SCAPER: variants seen among roughly 807,000 people sequenced by gnomAD.
SCAPER encodes the protein S-phase cyclin A associated protein in the ER.
Under a neutral mutation model 182.2 loss-of-function variants are expected in SCAPER, and 98 were observed. The ratio of observed to expected loss-of-function variants is 0.54; its 90% CI spans 0.46 to 0.64. The LOEUF is 0.64. Among genes scored for constraint, SCAPER ranks in the 30% least tolerant of loss-of-function variants. SCAPER has a pLI of 0.00. For synonymous variants in SCAPER, 605 were observed against 564.6 expected, an observed-to-expected ratio of 1.07 and a Z score of -1.01; for missense variants, 1,432 against 1,690.0, an observed-to-expected ratio of 0.85 and a Z score of 2.68.
chr15:76,429,760 G>A (rs573073411), intron 26 of SCAPER, among the ~76,000 whole-genome samples: 22 of 152,164 alleles, frequency 1.4e-4, no homozygotes, highest in Non-Finnish European at 2.1e-4. Flanking sequence ...CTGACTACGC[G>A]ATAGAAAAGA....
At chr15:76,719,329 TA>T (rs558663528) in intron 17 of SCAPER, among the ~76,000 whole-genome samples, 2 of 152,014 alleles carry the variant, frequency 1.3e-5, no homozygotes, top group African/African-American at 2.4e-5. Flanking sequence ...TGTGAAATCT[TA>T]AAAAAAATTC....
At position 76,702,987 on chromosome 15, in the gene SCAPER, G is replaced by A. The variant is rs1161243138; in HGVS notation, c.2263C>T (p.Arg755Ter). The change falls in exon 19 of 32, where the codon CGA (arginine) becomes TGA (stop). Residue 755 changes from arginine to a stop codon, truncating the protein, a stop_gained. Coordinates refer to ENST00000563290, the MANE Select transcript of SCAPER (RefSeq NM_020843.4). LOFTEE classifies it high-confidence loss of function. The stretch of plus-strand genomic sequence containing the variant: ...TGTTCAATCTGTTCCATGTGCCTTC[G>A]AATACTTTCATCATGCTGTAGATGA... ...KIQLKHDESIRRHMEQIEQRK... is the reference protein window; with the variant it reads ...KIQLKHDESI 7 of 1,574,444 alleles carry A rather than the reference G, an allele frequency of 4.4e-6. No homozygotes were observed. Among genetic ancestry groups the A allele is most frequent in the South Asian group, 1.2e-5 (1 of 82,656 alleles).
rs185188438 is a variant in SCAPER, at chr15:76,839,462, T to C, written c.393+2272A>G. On this transcript the variant is annotated intron_variant, in intron 5 of 31. Transcript: ENST00000563290. ...ATAAAGCAAAACAAAACAAGAAAAC[T>C]AGTTAGTATATACCCAGCATGTGCT... is the stretch of plus-strand genomic sequence containing the variant. 1.6e-4 allele frequency among the ~76,000 whole-genome samples: 24 copies of C among 152,304 alleles called. No individual in the cohort carries two copies. In the East Asian group the frequency reaches 4.6e-3, roughly 29 times the overall value.
At chr15:76,859,317 T>C (rs978923069) in intron 3 of SCAPER, among the ~76,000 whole-genome samples, 1 of 152,218 alleles carries the variant, frequency 6.6e-6, no homozygotes, top group Non-Finnish European at 1.5e-5. Flanking sequence ...GAGAGAATGC[T>C]ACACTAACCT....
At chr15:76,848,323 GT>G (rs60859623) in intron 4 of SCAPER, among the ~76,000 whole-genome samples, 40,540 of 131,874 alleles carry the variant, frequency 0.31, 6,237 homozygotes, top group East Asian at 0.55. Context: ...TTTTTTTGGG[GT>G]TTTTTTTTTT....
intron 25 of SCAPER, among the ~76,000 whole-genome samples, chr15:76,466,416 C>CTTTTTT (rs1268592485): frequency 2.7e-4 from 10 of 36,784 alleles, no homozygotes; most frequent in South Asian, 8.4e-4. Context: ...TTGGTTGGTT[C>CTTTTTT]TTCTTTTTTT....
At chr15:76,752,837 C>A (rs890075417) in intron 15 of SCAPER, among the ~76,000 whole-genome samples, 2 of 151,520 alleles carry the variant, frequency 1.3e-5, no homozygotes, top group East Asian at 3.9e-4. Context: ...ATTAAAACCA[C>A]TGAATTGTAT....
At chr15:76,458,746 T>C (rs2048932720) in intron 25 of SCAPER, among the ~76,000 whole-genome samples, 1 of 152,180 alleles carries the variant, frequency 6.6e-6, no homozygotes, top group African/African-American at 2.4e-5. Flanking sequence ...CCTGCTCTGC[T>C]ACTGAACACT....
chr15:76,478,317 T>C (rs1358571022), intron 24 of SCAPER, among the ~76,000 whole-genome samples: 1 of 152,098 alleles, frequency 6.6e-6, no homozygotes, highest in Non-Finnish European at 1.5e-5. Context: ...AAATGGTTAA[T>C]ACATATTGTT....
chr15:76,694,247 G>T (rs1015357315), intron 20 of SCAPER, among the ~76,000 whole-genome samples: 32 of 152,068 alleles, frequency 2.1e-4, no homozygotes, highest in Middle Eastern at 6.9e-3. Context: ...TCATTTATTT[G>T]TATCTTCTTC....
chr15:76,888,645 A>G (rs2073995438), intron 1 of SCAPER, among the ~76,000 whole-genome samples: 1 of 152,204 alleles, frequency 6.6e-6, no homozygotes, highest in Admixed American at 6.5e-5. Flanking sequence ...GTAAAAAGAA[A>G]TGAACAAAGC....
chr15:76,796,193 A>AAATTT (rs1479807024), intron 7 of SCAPER, among the ~76,000 whole-genome samples: 4 of 152,196 alleles, frequency 2.6e-5, no homozygotes, highest in Admixed American at 1.3e-4. Flanking sequence ...GACAACATCT[A>AAATTT]AATTTGGTTC....
intron 20 of SCAPER, among the ~76,000 whole-genome samples, chr15:76,682,271 C>CT (rs561953963): frequency 2.1e-5 from 3 of 142,962 alleles, no homozygotes; most frequent in South Asian, 5.2e-4. Context: ...CCTTCCCCCC[C>CT]CCACCCCACA....
At position 76,592,295 on chromosome 15, in the gene SCAPER, T is replaced by C. The variant is rs1463217210; in HGVS notation, c.2712-18011A>G. Among the ~76,000 whole-genome samples the C allele has an allele frequency of 3.1e-5, 2 of 63,730 alleles. 1 individual carries two copies. 41.8% of individuals were successfully genotyped at this position (63,730 alleles called of 152,430 possible). On this transcript the variant is annotated intron_variant, in intron 22 of 31. Coordinates refer to ENST00000563290, the MANE Select transcript of SCAPER (RefSeq NM_020843.4). ...GCATTTCAATTATGACTTTATGTAATTGTTAAAGCAGAGTTAGGCCAACTA... is the reference window on the plus strand; with the variant it reads ...GCATTTCAATTATGACTTTATGTAACTGTTAAAGCAGAGTTAGGCCAACTA...
chr15:76,567,800 T>C (rs2047150145), intron 23 of SCAPER, among the ~76,000 whole-genome samples: 1 of 152,134 alleles, frequency 6.6e-6, no homozygotes, highest in African/African-American at 2.4e-5. Context: ...ATGTAAAATA[T>C]TCTTCCCTTC....
intron 17 of SCAPER, among the ~76,000 whole-genome samples, chr15:76,719,925 T>TC (rs2060109788): frequency 6.7e-6 from 1 of 149,570 alleles, no homozygotes; most frequent in Admixed American, 6.7e-5. Flanking sequence ...TGGTATTTCT[T>TC]TTTTTTTTTA....
At chr15:76,788,627 T>C (rs888739738) in intron 8 of SCAPER, among the ~76,000 whole-genome samples, 3 of 152,312 alleles carry the variant, frequency 2.0e-5, no homozygotes, top group East Asian at 3.9e-4. Flanking sequence ...TATGTTTATT[T>C]TAAAATAAAT....
intron 22 of SCAPER, among the ~76,000 whole-genome samples, chr15:76,579,289 A>AAAAG (rs60204833): frequency 6.7e-6 from 1 of 150,138 alleles, no homozygotes; most frequent in Non-Finnish European, 1.5e-5. Context: ...AAAAAAAAAA[A>AAAAG]TAGTAACTAC....
chr15:76,747,812 G>A (rs1049904246), intron 15 of SCAPER, among the ~76,000 whole-genome samples: 4 of 152,032 alleles, frequency 2.6e-5, no homozygotes, highest in African/African-American at 7.2e-5. Context: ...AAAAGTAGAT[G>A]ATGGTGCCAT....
Sources: allele counts gnomAD v4.1 joint callset (sites outside exome capture counted in the v4.1 genomes callset), GRCh38; gene constraint gnomAD v4.1.1; transcripts MANE v1.5; gene names NCBI Gene and HGNC (gene_info 2026-07-23, HGNC 2026-07-21).